The following DNAJC12 variants were observed in gnomAD, a reference collection of about 807,000 sequenced individuals.
DNAJC12 encodes dnaJ homolog subfamily C member 12.
Under a neutral mutation model 28.5 loss-of-function variants are expected in DNAJC12, and 25 were observed. That is an observed-to-expected ratio of 0.88 (90% CI 0.64 to 1.22). DNAJC12 has a LOEUF of 1.22. DNAJC12 is among the 50% of genes most tolerant of loss of function. DNAJC12 has a pLI of 0.00. For missense variants in DNAJC12, 222 were observed against 231.7 expected (o/e 0.96, Z 0.27); for synonymous variants, 77 against 80.6 (o/e 0.95, Z 0.24).
intron 4 of DNAJC12, among the ~76,000 whole-genome samples, chr10:67,799,051 C>T (rs1194555403): frequency 6.6e-6 from 1 of 152,198 alleles, no homozygotes; most frequent in Non-Finnish European, 1.5e-5. Flanking sequence ...AGGCGTCAGC[C>T]ACCGTGCCCG....
chr10:67,821,965 T>C (rs957853168), intron 2 of DNAJC12, among the ~76,000 whole-genome samples: 4 of 151,474 alleles, frequency 2.6e-5, no homozygotes, highest in African/African-American at 7.3e-5. Flanking sequence ...TCAGAGGAGG[T>C]GATAGGAAAA....
intron 2 of DNAJC12, among the ~76,000 whole-genome samples, chr10:67,814,102 A>G (rs1196774406): frequency 6.6e-6 from 1 of 152,110 alleles, no homozygotes; most frequent in Non-Finnish European, 1.5e-5. Context: ...CTGAATTTCA[A>G]AACTTATACT....
At chr10:67,821,516 C>CA (rs893399107) in intron 2 of DNAJC12, among the ~76,000 whole-genome samples, 24 of 148,902 alleles carry the variant, frequency 1.6e-4, no homozygotes, top group African/African-American at 2.5e-4. Context: ...AACTCTGTCT[C>CA]AAAAAAAAAC....
At chr10:67,797,324 G>C in intron 4 of DNAJC12, 114 bp from the exon 5 acceptor site, 3 of 749,760 alleles carry the variant, frequency 4.0e-6, no homozygotes, top group Non-Finnish European at 6.6e-6. Flanking sequence ...GTAAGGGTAA[G>C]ACTTTGGTAT....
intron 4 of DNAJC12, among the ~76,000 whole-genome samples, chr10:67,804,118 A>T (rs1223059550): frequency 6.6e-6 from 1 of 152,200 alleles, no homozygotes; most frequent in Non-Finnish European, 1.5e-5. Flanking sequence ...GTGCTACATC[A>T]CAACCCTGAG....
intron 3 of DNAJC12, among the ~76,000 whole-genome samples, chr10:67,809,609 G>T (rs1311253769): frequency 1.3e-5 from 2 of 151,894 alleles, no homozygotes; most frequent in East Asian, 3.9e-4. Context: ...ATCACTCCTG[G>T]ATGATAGAAA....
Position 67,826,752 on chromosome 10 carries a change from T to TAG in DNAJC12, c.79-3361_79-3360insCT, listed in dbSNP as rs1842036814. Among the ~76,000 whole-genome samples the TAG allele has an allele frequency of 2.6e-5, 3 of 115,848 alleles. 1 individual carries two copies. Among genetic ancestry groups the TAG allele is most frequent in the Non-Finnish European group, 5.2e-5 (3 of 57,430 alleles). The allele number at this position is 115,848 out of a possible 152,430, so 76.0% of individuals were successfully genotyped here. A position where few individuals can be genotyped will look rare whatever the true frequency, so the allele number is the denominator to read the frequency against. On this transcript the variant is annotated intron_variant, in intron 1 of 4. Transcript: ENST00000225171. ...TAATGATATATATAATATATATCAT[T>TAG]ATATATCTGATATCTAATGATATAT... is the stretch of plus-strand genomic sequence containing the variant.
chr10:67,826,740 A>T (rs12774195), intron 1 of DNAJC12, among the ~76,000 whole-genome samples: 42 of 110,940 alleles, frequency 3.8e-4, no homozygotes, highest in African/African-American at 1.2e-3. Flanking sequence ...TGATATATAT[A>T]ATATATATCA....
At chr10:67,822,947 A>T (rs890500135) in intron 2 of DNAJC12, among the ~76,000 whole-genome samples, 1 of 151,990 alleles carries the variant, frequency 6.6e-6, no homozygotes, top group Non-Finnish European at 1.5e-5. Flanking sequence ...GTGAGACATG[A>T]TCGCACCACT....
chr10:67,823,854 C>T (rs1260628203), intron 1 of DNAJC12, among the ~76,000 whole-genome samples: 2 of 152,000 alleles, frequency 1.3e-5, no homozygotes, highest in Non-Finnish European at 2.9e-5. Context: ...AGAAAGCATC[C>T]AATAAACGCT....
chr10:67,814,483 C>T (rs1167235970), intron 2 of DNAJC12, among the ~76,000 whole-genome samples: 2 of 151,522 alleles, frequency 1.3e-5, no homozygotes, highest in Admixed American at 1.3e-4. Context: ...ACACCAAAAG[C>T]ACAAGCAACA....
chr10:67,803,026 GA>G (rs35343653), intron 4 of DNAJC12, among the ~76,000 whole-genome samples: 77,435 of 150,946 alleles, frequency 0.51, 22,460 homozygotes, highest in Non-Finnish European at 0.67. Context: ...TTTTTTTTTA[GA>G]GATGGTTTCA....
Position 67,811,591 on chromosome 10 carries a change from T to C in DNAJC12, c.230A>G (p.His77Arg). 6.2e-7 allele frequency: 1 copy of C among 1,614,214 alleles called. No individual in the cohort carries two copies. Among genetic ancestry groups the C allele is most frequent in the Non-Finnish European group, 8.5e-7 (1 of 1,180,026 alleles). ...TNEESRARYDHWRRSQMSMPF... is the reference protein window; with the variant it reads ...TNEESRARYDRWRRSQMSMPF... ...CATCGACATCTGGCTCCTTCGCCAGTGGTCATAGCGGGCTCGACTCTCTTC... is the reference window on the plus strand; with the variant it reads ...CATCGACATCTGGCTCCTTCGCCAGCGGTCATAGCGGGCTCGACTCTCTTC... The change falls in exon 3 of 5, where the codon CAC (histidine) becomes CGC (arginine). Residue 77 changes from histidine (H) to arginine (R), a missense_variant. Coordinates refer to ENST00000225171, the MANE Select transcript of DNAJC12 (RefSeq NM_021800.3).
At chr10:67,808,421 T>C (rs919315691) in intron 3 of DNAJC12, 14 of 152,240 alleles carry the variant, frequency 9.2e-5, no homozygotes, top group Non-Finnish European at 1.8e-4. Flanking sequence ...ACTTGTTTAC[T>C]AGCTTTCTTG....
At chr10:67,831,142 C>G (rs1564867598) in intron 1 of DNAJC12, among the ~76,000 whole-genome samples, 1 of 152,140 alleles carries the variant, frequency 6.6e-6, no homozygotes. Flanking sequence ...GAGCTGAGAT[C>G]GCACCATTGC....
intron 2 of DNAJC12, among the ~76,000 whole-genome samples, chr10:67,822,306 G>A (rs1841988731): frequency 6.6e-6 from 1 of 152,168 alleles, no homozygotes. Context: ...TTGTTTCAAG[G>A]AGGAAGGTAT....
intron 1 of DNAJC12, among the ~76,000 whole-genome samples, chr10:67,823,715 C>T (rs1022049613): frequency 1.3e-5 from 2 of 150,068 alleles, no homozygotes; most frequent in African/African-American, 4.9e-5. Context: ...AAAAAAAGGT[C>T]AAACTTAAAT....
intron 2 of DNAJC12, among the ~76,000 whole-genome samples, chr10:67,812,282 G>A (rs1203473132): frequency 6.6e-6 from 1 of 152,146 alleles, no homozygotes; most frequent in Non-Finnish European, 1.5e-5. Context: ...GATGAGGGAT[G>A]GGGCTGTAGA....
At chr10:67,827,768 G>A (rs1419378062) in intron 1 of DNAJC12, 13 of 151,862 alleles carry the variant, frequency 8.6e-5, no homozygotes, top group African/African-American at 3.1e-4. Flanking sequence ...GTTTACATGC[G>A]TGACTGTTAT....
Sources: gnomAD v4.1 joint callset for allele counts (sites outside exome capture counted in the v4.1 genomes callset) on GRCh38, gnomAD v4.1.1 for gene constraint, MANE v1.5 for transcripts, NCBI Gene and HGNC (gene_info 2026-07-23, HGNC 2026-07-21) for gene names.